The following OTUD5 variants were observed in gnomAD, a reference collection of about 807,000 sequenced individuals.
The protein encoded by OTUD5 is OTU domain-containing protein 5.
OTUD5 carries 2 observed loss-of-function variants against 36.3 expected under a neutral mutation model. The observed-to-expected ratio is 0.06, with a 90% CI of 0.02 to 0.17. The LOEUF (loss-of-function observed/expected upper bound fraction) is 0.17, where lower values mean the gene tolerates loss of function less well. Ranked by LOEUF, OTUD5 falls within the 10% of genes least tolerant of loss-of-function variation. The pLI, the probability that OTUD5 is intolerant of heterozygous loss-of-function variation, is 1.00. For synonymous variants in OTUD5, 234 were observed against 214.9 expected (o/e 1.09, Z -0.78); for missense variants, 233 against 512.3 (o/e 0.45, Z 5.26).
At chrX:48,957,715 T>TCGGCGG (rs1459025996), upstream of OTUD5, 6 of 785,166 alleles carry the variant, frequency 7.6e-6, no homozygotes, top group East Asian at 1.3e-4. Flanking sequence ...TCGAGAACCC[T>TCGGCGG]CGGCGGCGGA....
At chrX:48,952,758 G>A (rs2064169116) in intron 1 of OTUD5, among the ~76,000 whole-genome samples, 1 of 112,455 alleles carries the variant, frequency 8.9e-6, no homozygotes, top group Non-Finnish European at 1.9e-5. Context: ...TGCAGAAACA[G>A]GACTCAAATC....
chrX:48,932,219 G>A (rs2063766778), intron 5 of OTUD5, among the ~76,000 whole-genome samples: 1 of 108,766 alleles, frequency 9.2e-6, no homozygotes, highest in Admixed American at 9.9e-5. Context: ...ACTGTGTTTG[G>A]GAAGAGAAGG....
intron 1 of OTUD5, among the ~76,000 whole-genome samples, chrX:48,948,944 A>C (rs1257317811): frequency 8.9e-6 from 1 of 111,850 alleles, no homozygotes; most frequent in Non-Finnish European, 1.9e-5. Flanking sequence ...TAAGGGCCCA[A>C]GTGAAGTTGG....
intron 2 of OTUD5, among the ~76,000 whole-genome samples, chrX:48,938,001 G>A (rs1468585760): frequency 8.9e-6 from 1 of 112,041 alleles, no homozygotes; most frequent in Non-Finnish European, 1.9e-5. Flanking sequence ...CCTCTAGGCC[G>A]TTAGTTCTAA....
At chrX:48,937,795 ATT>A (rs1395788888) in intron 2 of OTUD5, among the ~76,000 whole-genome samples, 10 of 112,448 alleles carry the variant, frequency 8.9e-5, no homozygotes, top group African/African-American at 3.2e-4. Context: ...CAGGAACACA[ATT>A]TGTCATGACG....
intron 1 of OTUD5, among the ~76,000 whole-genome samples, chrX:48,948,533 G>T (rs1357106833): frequency 1.8e-5 from 2 of 111,636 alleles, no homozygotes; most frequent in Admixed American, 1.9e-4. Context: ...CTCTAAACAT[G>T]AAAGAGACCT....
At chrX:48,941,607 G>T (rs1436602803) in intron 2 of OTUD5, among the ~76,000 whole-genome samples, 1 of 110,837 alleles carries the variant, frequency 9.0e-6, no homozygotes, top group Non-Finnish European at 1.9e-5. Flanking sequence ...CAGTGAGCCT[G>T]AAGCACCCAG....
chrX:48,925,278 CAAAAAAAA>C (rs781953573), intron 6 of OTUD5, among the ~76,000 whole-genome samples: 1 of 39,255 alleles, frequency 2.5e-5, no homozygotes. Context: ...ACTCTGTCTC[CAAAAAAAA>C]AAAAAAAAAA....
chrX:48,931,204 C>T (rs1431377613), intron 5 of OTUD5, among the ~76,000 whole-genome samples: 3 of 111,379 alleles, frequency 2.7e-5, no homozygotes, highest in African/African-American at 9.8e-5. Flanking sequence ...AGAAACCTAA[C>T]AAACACTACT....
At chrX:48,926,377 GT>G (rs2063666629) in intron 5 of OTUD5, among the ~76,000 whole-genome samples, 1 of 106,182 alleles carries the variant, frequency 9.4e-6, no homozygotes, top group African/African-American at 3.5e-5. Context: ...CTGAGACGAA[GT>G]ATCGCTCTGT....
rs782669563 is a variant in OTUD5, at chrX:48,932,218, G to A, written c.1059+2246C>T. The stretch of plus-strand genomic sequence containing the variant: ...TAATAATAATAGCAGAACTGTGTTT[G>A]GGAAGAGAAGGATATGTGGGAATTC... On this transcript the variant is annotated intron_variant, in intron 5 of 8. Coordinates refer to ENST00000376488, the MANE Select transcript of OTUD5 (RefSeq NM_001136157.2). Among the ~76,000 whole-genome samples, 55 of 108,910 alleles carry A rather than the reference G, an allele frequency of 5.1e-4. 1 individual carries two copies. In the South Asian group the frequency reaches 0.021, roughly 41 times the overall value. 94.6% of individuals were successfully genotyped at this position (108,910 alleles called of 115,157 possible).
At chrX:48,956,433 AC>A (rs1312723513) in intron 1 of OTUD5, among the ~76,000 whole-genome samples, 1 of 111,246 alleles carries the variant, frequency 9.0e-6, no homozygotes, top group East Asian at 2.8e-4. Context: ...GTGCAGTGTT[AC>A]CCAGCGAAGC....
At chrX:48,945,493 A>T (rs1432495841) in intron 1 of OTUD5, among the ~76,000 whole-genome samples, 1 of 108,415 alleles carries the variant, frequency 9.2e-6, no homozygotes, top group Non-Finnish European at 1.9e-5. Flanking sequence ...GATGGTCTCG[A>T]TCTCCTGATC....
chrX:48,922,743 TG>T lies in OTUD5; in HGVS notation c.*430del. On this transcript the variant is annotated 3_prime_UTR_variant, in exon 9 of 9. Coordinates refer to ENST00000376488, the MANE Select transcript of OTUD5 (RefSeq NM_001136157.2). ...TTCCCACTTCTTCCTCCCACCTCCCTGGCATCAGTGTCGGGGGGTGGCGGCA... is the reference window on the plus strand; with the variant it reads ...TTCCCACTTCTTCCTCCCACCTCCCTGCATCAGTGTCGGGGGGTGGCGGCA... 2.6e-6 allele frequency: 2 copies of T among 760,980 alleles called. No homozygotes were observed. The highest frequency in any genetic ancestry group is 4.5e-5 in the African/African-American group (2 of 44,111). The allele number at this position is 760,980 out of a possible 1,213,427, so 62.7% of individuals were successfully genotyped here.
chrX:48,926,511 C>T (rs980771812), intron 5 of OTUD5, among the ~76,000 whole-genome samples: 2 of 110,709 alleles, frequency 1.8e-5, no homozygotes, highest in Non-Finnish European at 3.8e-5. Context: ...CCACCACCCC[C>T]GGCTAACTTT....
intron 2 of OTUD5, 52 bp from the exon 3 acceptor site, chrX:48,935,070 C>T (rs3027506): frequency 2.8e-6 from 3 of 1,075,318 alleles, no homozygotes; most frequent in Admixed American, 2.3e-5. Flanking sequence ...CAGAGAAGAG[C>T]TCTGAATCAT....
At chrX:48,938,311 A>G (rs964945728) in intron 2 of OTUD5, among the ~76,000 whole-genome samples, 1 of 112,036 alleles carries the variant, frequency 8.9e-6, no homozygotes, top group African/African-American at 3.2e-5. Flanking sequence ...TACTACCCCA[A>G]CAAGGGAGAA....
At chrX:48,957,728 AGGCGGCGGC>A (rs1156647335), upstream of OTUD5, 14 of 663,538 alleles carry the variant, frequency 2.1e-5, no homozygotes, top group African/African-American at 3.2e-4. Context: ...GCGGCGGAGG[AGGCGGCGGC>A]GGCGGCGGCG....
upstream of OTUD5, chrX:48,957,734 C>A (rs868920393): frequency 5.5e-6 from 4 of 727,726 alleles, no homozygotes; most frequent in Non-Finnish European, 4.8e-6. Flanking sequence ...GAGGAGGCGG[C>A]GGCGGCGGCG....
Sources: allele counts gnomAD v4.1 joint callset (sites outside exome capture counted in the v4.1 genomes callset), GRCh38; gene constraint gnomAD v4.1.1; transcripts MANE v1.5; gene names NCBI Gene and HGNC (gene_info 2026-07-23, HGNC 2026-07-21).